The following XKR9 variants were observed in gnomAD, a reference collection of about 807,000 sequenced individuals.
XKR9 encodes XK related 9.
Under a neutral mutation model 32.0 loss-of-function variants are expected in XKR9, and 32 were observed. The ratio of observed to expected loss-of-function variants is 1.00; its 90% CI spans 0.76 to 1.34. The LOEUF (loss-of-function observed/expected upper bound fraction) is 1.34. Ranked by LOEUF, XKR9 falls within the 40% of genes most tolerant of loss-of-function variation. The pLI is 0.00. For synonymous variants in XKR9, 168 were observed against 143.4 expected, an observed-to-expected ratio of 1.17 and a Z score of -1.22; for missense variants, 546 against 429.7, an observed-to-expected ratio of 1.27 and a Z score of -2.39.
downstream of XKR9, among the ~76,000 whole-genome samples, chr8:70,795,312 G>A (rs759788239): frequency 1.3e-5 from 2 of 151,772 alleles, no homozygotes; most frequent in East Asian, 1.9e-4. Context: ...ATAGGATCTC[G>A]CTTATAGCTG....
the XKR9 span, among the ~76,000 whole-genome samples, chr8:71,042,518 T>C: frequency 6.6e-6 from 1 of 152,150 alleles, no homozygotes; most frequent in Admixed American, 6.6e-5. Context: ...AGGATGGCTA[T>C]AAAGAATATG....
At chr8:71,057,426 C>T in the XKR9 span, among the ~76,000 whole-genome samples, 1 of 152,144 alleles carries the variant, frequency 6.6e-6, no homozygotes, top group East Asian at 1.9e-4. Context: ...CAGGCTGTCT[C>T]CCAAATTCAA....
the XKR9 span, among the ~76,000 whole-genome samples, chr8:70,919,964 G>T: frequency 6.6e-5 from 10 of 152,222 alleles, no homozygotes; most frequent in African/African-American, 2.4e-4. Context: ...AGGTCTTGGA[G>T]ACTTATAAAC....
At chr8:70,732,195 T>C (rs1311640525) in intron 4 of XKR9, among the ~76,000 whole-genome samples, 1 of 152,186 alleles carries the variant, frequency 6.6e-6, no homozygotes, top group Non-Finnish European at 1.5e-5. Flanking sequence ...CACCCCATCA[T>C]GGGGCTACCG....
At chr8:70,949,994 C>G in the XKR9 span, among the ~76,000 whole-genome samples, 1 of 152,216 alleles carries the variant, frequency 6.6e-6, no homozygotes, top group Admixed American at 6.5e-5. Context: ...TCCCAACATA[C>G]TCCCTTGCTC....
At position 70,734,611 on chromosome 8, in the gene XKR9, G is replaced by C; in HGVS notation, c.*187G>C. 1 of 699,218 alleles carries C rather than the reference G, an allele frequency of 1.4e-6. No homozygotes were observed. Among genetic ancestry groups the C allele is most frequent in the Non-Finnish European group, 1.9e-6 (1 of 514,938 alleles). 43.3% of individuals were successfully genotyped at this position (699,218 alleles called of 1,614,324 possible). ...TTTCTCATTTGGTTTTGAAGATCTT[G>C]AGTACTCAGATATCTTTCTACTGCC... On this transcript the variant is annotated 3_prime_UTR_variant, in exon 5 of 5. Coordinates refer to ENST00000408926, the MANE Select transcript of XKR9 (RefSeq NM_001011720.2).
downstream of XKR9, among the ~76,000 whole-genome samples, chr8:70,792,479 G>C (rs1271072592): frequency 6.6e-6 from 1 of 152,114 alleles, no homozygotes; most frequent in Non-Finnish European, 1.5e-5. Context: ...AGGGTGTCAT[G>C]TACTGTGCCA....
chr8:70,959,953 G>A, the XKR9 span, among the ~76,000 whole-genome samples: 1 of 152,180 alleles, frequency 6.6e-6, no homozygotes, highest in Non-Finnish European at 1.5e-5. Flanking sequence ...AAGTTGGCCG[G>A]GAGTGGTGGC....
At chr8:70,787,936 G>A (rs1807710041) in intron 2 of XKR9, among the ~76,000 whole-genome samples, 1 of 151,974 alleles carries the variant, frequency 6.6e-6, no homozygotes, top group Admixed American at 6.6e-5. Context: ...AAAATTAAGA[G>A]GAATAGGTCC....
chr8:70,751,911 C>T (rs1807147725), intron 2 of XKR9, among the ~76,000 whole-genome samples: 1 of 152,194 alleles, frequency 6.6e-6, no homozygotes, highest in South Asian at 2.1e-4. Context: ...TCTCAGCTTC[C>T]ATAATCACAT....
intron 2 of XKR9, among the ~76,000 whole-genome samples, chr8:70,776,142 T>A (rs1807517306): frequency 6.6e-6 from 1 of 152,138 alleles, no homozygotes; most frequent in Non-Finnish European, 1.5e-5. Flanking sequence ...CTTCCTCTAT[T>A]TTCTAAAAGA....
chr8:70,875,188 T>C, the XKR9 span, among the ~76,000 whole-genome samples: 10 of 152,190 alleles, frequency 6.6e-5, no homozygotes, highest in African/African-American at 2.4e-4. Context: ...GTGTACACAT[T>C]TTCCCCTATA....
chr8:70,979,453 C>T, the XKR9 span, among the ~76,000 whole-genome samples: 7 of 152,122 alleles, frequency 4.6e-5, no homozygotes, highest in African/African-American at 1.7e-4. Flanking sequence ...ATGTTTATGC[C>T]GTTCCTTTCT....
chr8:70,822,739 C>A, the XKR9 span, among the ~76,000 whole-genome samples: 1 of 151,882 alleles, frequency 6.6e-6, no homozygotes, highest in African/African-American at 2.4e-5. Context: ...TCTCTGCCCC[C>A]AACCCCAGTT....
chr8:70,778,568 T>C (rs545199857), intron 2 of XKR9, among the ~76,000 whole-genome samples: 1 of 152,338 alleles, frequency 6.6e-6, no homozygotes, highest in South Asian at 2.1e-4. Flanking sequence ...TATTGATTCT[T>C]CCTATCCATG....
intron 2 of XKR9, among the ~76,000 whole-genome samples, chr8:70,786,147 T>C (rs955626930): frequency 1.3e-5 from 2 of 152,220 alleles, no homozygotes; most frequent in Non-Finnish European, 2.9e-5. Context: ...CTACTTGATA[T>C]AATTTCAGTC....
In XKR9 at chr8:70,734,046, A is replaced by G. The variant is rs765661317; in HGVS notation, c.744A>G (p.Lys248=). The G allele has an allele frequency of 4.3e-6, 7 of 1,613,336 alleles. No individual in the cohort carries two copies. In the African/African-American group the frequency reaches 9.3e-5, roughly 22 times the overall value. ...TGTTAGGTATAATATGGGCATTTAA[A>G]AACAACACCCAGTTTTGTACTTGTA... ...LWLLGIIWAF[K]NNTQFCTCIS... The change falls in exon 5 of 5, where the codon AAA becomes AAG. Residue 248 remains lysine (K), a synonymous_variant. Transcript: ENST00000408926.
the XKR9 span, among the ~76,000 whole-genome samples, chr8:70,878,513 T>G: frequency 1.3e-5 from 2 of 151,990 alleles, no homozygotes; most frequent in Non-Finnish European, 2.9e-5. Context: ...TCCTAGTCTC[T>G]GATAAAACAG....
the XKR9 span, among the ~76,000 whole-genome samples, chr8:70,973,872 G>A: frequency 7.2e-5 from 11 of 152,222 alleles, no homozygotes; most frequent in Middle Eastern, 3.4e-3. Flanking sequence ...GGCTCATTTT[G>A]TGGCCTATCA....
Sources: gnomAD v4.1 joint callset for allele counts (sites outside exome capture counted in the v4.1 genomes callset) on GRCh38, gnomAD v4.1.1 for gene constraint, MANE v1.5 for transcripts, NCBI Gene and HGNC (gene_info 2026-07-23, HGNC 2026-07-21) for gene names.